Variants in SDCCAG8 observed in about 807,000 individuals in gnomAD.
SDCCAG8 encodes SHH signaling and ciliogenesis regulator SDCCAG8.
Under a neutral mutation model 101.8 loss-of-function variants are expected in SDCCAG8, and 74 were observed. That is an observed-to-expected ratio of 0.73 (90% CI 0.60 to 0.88). SDCCAG8 has a LOEUF of 0.88. Ranked by LOEUF, SDCCAG8 falls within the 40% of genes least tolerant of loss-of-function variation. The pLI, the probability that SDCCAG8 is intolerant of heterozygous loss-of-function variation, is 0.00. For missense variants in SDCCAG8, 787 were observed against 822.6 expected, an observed-to-expected ratio of 0.96 and a Z score of 0.53; for synonymous variants, 281 against 292.9, an observed-to-expected ratio of 0.96 and a Z score of 0.41.
At chr1:243,317,616 C>T (rs1290127537) in intron 9 of SDCCAG8, among the ~76,000 whole-genome samples, 2 of 152,112 alleles carry the variant, frequency 1.3e-5, no homozygotes, top group Non-Finnish European at 2.9e-5. Flanking sequence ...CCACTGCGCC[C>T]GGTCTTAGTA....
rs1315678669 is a variant in SDCCAG8 at position 243,474,347 on chromosome 1, G to A, written c.1986-14667G>A. On this transcript the variant is annotated intron_variant, in intron 16 of 17. Coordinates refer to ENST00000366541, the MANE Select transcript of SDCCAG8 (RefSeq NM_006642.5). This position sits in a 1 kb window ranked among gnomAD's most constrained non-coding sequence, Gnocchi z 4.7. ...AAGTCCAGAGGCCCTGCGAGCCCCC[G>A]TGGAGTCGCCTGAGCCAGATGCTCC... Among the ~76,000 whole-genome samples the A allele has an allele frequency of 6.6e-6, 1 of 152,136 alleles. No homozygotes were observed. The highest frequency in any genetic ancestry group is 2.4e-5 in the African/African-American group (1 of 41,438).
At chr1:243,270,047 T>G in intron 1 of SDCCAG8, 58 bp from the exon 2 acceptor site, 2 of 1,613,080 alleles carry the variant, frequency 1.2e-6, no homozygotes, top group South Asian at 1.1e-5. Context: ...CCTGAGTAAG[T>G]GTCCGTTTGG....
intron 16 of SDCCAG8, among the ~76,000 whole-genome samples, chr1:243,444,388 T>C (rs2082757458): frequency 1.3e-5 from 2 of 152,010 alleles, no homozygotes; most frequent in Non-Finnish European, 2.9e-5. Flanking sequence ...GTTTTTTTTT[T>C]TGGGATGGAG....
chr1:243,407,295 A>AG (rs2079854619), intron 13 of SDCCAG8, among the ~76,000 whole-genome samples: 1 of 152,236 alleles, frequency 6.6e-6, no homozygotes, highest in Admixed American at 6.5e-5. Context: ...GCTACTTACT[A>AG]GCTGCATGGC....
At position 243,499,920 on chromosome 1, in the gene SDCCAG8, A is replaced by G; in HGVS notation, c.*135A>G. On this transcript the variant is annotated 3_prime_UTR_variant, in exon 18 of 18. Transcript: ENST00000366541. ...TCAGCCTGCAGTGGGGCTGGTCCTC[A>G]TCAACGCGGGCGCTGTCCCCGCACG... The G allele has an allele frequency of 1.2e-6, 1 of 814,490 alleles. No individual in the cohort carries two copies. Among genetic ancestry groups the G allele is most frequent in the South Asian group, 1.4e-5 (1 of 70,606 alleles). The allele number at this position is 814,490 out of a possible 1,614,324, so 50.5% of individuals were successfully genotyped here. A position where few individuals can be genotyped will look rare whatever the true frequency, so the allele number is the denominator to read the frequency against.
At chr1:243,307,375 T>A in intron 7 of SDCCAG8, 1 of 979,458 alleles carries the variant, frequency 1.0e-6, no homozygotes, top group Non-Finnish European at 1.2e-6. Context: ...TCTATGTAAC[T>A]TCCTTCTGTA....
chr1:243,323,361 C>T (rs1394127153), intron 9 of SDCCAG8, among the ~76,000 whole-genome samples: 1 of 152,136 alleles, frequency 6.6e-6, no homozygotes, highest in Non-Finnish European at 1.5e-5. Context: ...ACAAGAGCCT[C>T]CTCAGCATCT....
Position 243,457,968 on chromosome 1 carries a change from T to C in SDCCAG8, c.1986-31046T>C, listed in dbSNP as rs12401707. ...CAGATTTTAAAATTTGGCTATAATATGTTAGGCATCACTCTCTGGCAGAAA... is the reference window on the plus strand; with the variant it reads ...CAGATTTTAAAATTTGGCTATAATACGTTAGGCATCACTCTCTGGCAGAAA... On this transcript the variant is annotated intron_variant, in intron 16 of 17. Transcript: ENST00000366541. Among the ~76,000 whole-genome samples, 697 of 152,362 alleles carry C rather than the reference T, an allele frequency of 4.6e-3. 18 individuals carry two copies. Among genetic ancestry groups the C allele is most frequent in the Admixed American group, 0.041 (631 of 15,306 alleles).
At chr1:243,344,365 T>C (rs1391010362) in intron 12 of SDCCAG8, 34 bp downstream of exon 12, 1 of 1,307,352 alleles carries the variant, frequency 7.6e-7, no homozygotes, top group South Asian at 1.2e-5. Context: ...GCAGCAATTA[T>C]AGATATGAGT....
In SDCCAG8 at chr1:243,269,985, G is replaced by A. The variant is rs115223390; in HGVS notation, c.68-120G>A. 1,189 of 1,388,012 alleles carry A rather than the reference G, an allele frequency of 8.6e-4. 7 individuals are homozygous for A. The African/African-American group carries it at 0.015, about 17-fold the overall frequency. 86.0% of individuals were successfully genotyped at this position (1,388,012 alleles called of 1,614,324 possible). A position where few individuals can be genotyped will look rare whatever the true frequency, so the allele number is the denominator to read the frequency against. On this transcript the variant is annotated intron_variant, in intron 1 of 17. Coordinates refer to ENST00000366541, the MANE Select transcript of SDCCAG8 (RefSeq NM_006642.5). The stretch of plus-strand genomic sequence containing the variant: ...CAGCAAGCTAGAAACAGAACTCTGC[G>A]TTTTTTCCATAAAGTACGAGAAATA...
At chr1:243,421,900 A>G (rs968192425) in intron 15 of SDCCAG8, among the ~76,000 whole-genome samples, 1 of 152,132 alleles carries the variant, frequency 6.6e-6, no homozygotes, top group African/African-American at 2.4e-5. Context: ...TCTTTATCAA[A>G]GTGAAGGAAG....
intron 1 of SDCCAG8, chr1:243,267,605 G>GAAAAA: frequency 4.3e-6 from 2 of 459,816 alleles, no homozygotes; most frequent in Admixed American, 3.3e-5. Flanking sequence ...TCCCTCTCAA[G>GAAAAA]AAAAAAAAAA....
At chr1:243,259,694 G>T (rs1352045222) in intron 1 of SDCCAG8, among the ~76,000 whole-genome samples, 2 of 151,470 alleles carry the variant, frequency 1.3e-5, no homozygotes, top group East Asian at 2.0e-4. Context: ...TGGCAGGCGC[G>T]TGTAACCCCA....
intron 4 of SDCCAG8, among the ~76,000 whole-genome samples, chr1:243,282,254 C>T (rs940868901): frequency 6.6e-6 from 1 of 151,454 alleles, no homozygotes; most frequent in African/African-American, 2.4e-5. Flanking sequence ...TTGTTATTTG[C>T]AGTAAATATT....
intron 16 of SDCCAG8, among the ~76,000 whole-genome samples, chr1:243,476,740 G>T (rs1662484748): frequency 6.6e-6 from 1 of 152,218 alleles, no homozygotes; most frequent in Non-Finnish European, 1.5e-5. Context: ...CTGGGTTAAA[G>T]AAGTCTAAAT....
At chr1:243,356,840 A>G (rs1466098924) in intron 12 of SDCCAG8, among the ~76,000 whole-genome samples, 2 of 151,968 alleles carry the variant, frequency 1.3e-5, no homozygotes, top group South Asian at 2.1e-4. Flanking sequence ...GAAAAAAAAA[A>G]TCAAAAAATT....
intron 4 of SDCCAG8, among the ~76,000 whole-genome samples, chr1:243,283,263 T>C (rs1174187714): frequency 6.6e-6 from 1 of 151,958 alleles, no homozygotes; most frequent in Non-Finnish European, 1.5e-5. Flanking sequence ...TTTTGGGGGG[T>C]ATTTATCCTG....
chr1:243,448,603 C>T (rs141752217), intron 16 of SDCCAG8, among the ~76,000 whole-genome samples: 59 of 152,280 alleles, frequency 3.9e-4, no homozygotes, highest in Non-Finnish European at 6.6e-4. Context: ...CTCTTATTTC[C>T]CAAGACACAG....
chr1:243,464,949 C>T (rs370004080), intron 16 of SDCCAG8, among the ~76,000 whole-genome samples: 26 of 152,292 alleles, frequency 1.7e-4, no homozygotes, highest in Admixed American at 9.8e-4. Flanking sequence ...TTAATTGAAT[C>T]GACTGGACAA....
Sources: gnomAD v4.1 joint callset for allele counts (sites outside exome capture counted in the v4.1 genomes callset) on GRCh38, gnomAD v4.1.1 for gene constraint, Gnocchi (gnomAD v3.1) non-coding constraint, MANE v1.5 for transcripts, NCBI Gene and HGNC (gene_info 2026-07-23, HGNC 2026-07-21) for gene names.